TPTE2: variants seen among roughly 807,000 people sequenced by gnomAD.
TPTE2 encodes the protein phosphatidylinositol 3,4,5-trisphosphate 3-phosphatase TPTE2.
A neutral mutation model predicts 78.6 loss-of-function variants in TPTE2; 53 were observed. That is an observed-to-expected ratio of 0.67 (90% CI 0.54 to 0.85). TPTE2 has a LOEUF of 0.85. TPTE2 is among the 40% of genes least tolerant of loss of function. The pLI, the probability that TPTE2 is intolerant of heterozygous loss-of-function variation, is 0.00. For missense variants in TPTE2, 461 were observed against 623.0 expected (o/e 0.74, Z 2.77); for synonymous variants, 175 against 206.2 (o/e 0.85, Z 1.30).
chr13:19,514,446 G>T (rs1302766154), intron 1 of TPTE2, among the ~76,000 whole-genome samples: 1 of 152,074 alleles, frequency 6.6e-6, no homozygotes, highest in Non-Finnish European at 1.5e-5. Flanking sequence ...AGAGTAAAAA[G>T]CCCATACAAA....
At chr13:19,543,966 G>A in the TPTE2 span, among the ~76,000 whole-genome samples, 2 of 147,580 alleles carry the variant, frequency 1.4e-5, no homozygotes, top group South Asian at 4.4e-4. Flanking sequence ...AAAGGCTGAG[G>A]TGGGAGGATC....
intron 1 of TPTE2, among the ~76,000 whole-genome samples, chr13:19,519,455 T>C (rs1870015006): frequency 6.6e-6 from 1 of 152,232 alleles, no homozygotes. Flanking sequence ...TTAATTTTTC[T>C]GTATGATGTG....
intron 6 of TPTE2, among the ~76,000 whole-genome samples, chr13:19,471,581 C>T (rs1879615587): frequency 6.6e-6 from 1 of 151,972 alleles, no homozygotes; most frequent in African/African-American, 2.4e-5. Flanking sequence ...ATTTGTCTCG[C>T]TATTATTTAA....
chr13:19,516,878 CTATTTTTCTATCTAAT>C (rs1869829243), intron 1 of TPTE2, among the ~76,000 whole-genome samples: 1 of 152,208 alleles, frequency 6.6e-6, no homozygotes, highest in South Asian at 2.1e-4. Context: ...TCTATTTCTA[CTATTTTTCTATCTAAT>C]TATTTTTCTA....
chr13:19,551,089 G>A, the TPTE2 span, among the ~76,000 whole-genome samples: 1 of 152,152 alleles, frequency 6.6e-6, no homozygotes, highest in Non-Finnish European at 1.5e-5. Context: ...TTGCAGAAGA[G>A]GAAACTAAGG....
chr13:19,525,984 A>G (rs540603901), intron 1 of TPTE2, among the ~76,000 whole-genome samples: 2 of 152,204 alleles, frequency 1.3e-5, no homozygotes, highest in South Asian at 2.1e-4. Flanking sequence ...CAAAACTACA[A>G]TGAGATACCA....
chr13:19,560,943 T>C, the TPTE2 span: 1 of 1,597,116 alleles, frequency 6.3e-7, no homozygotes, highest in African/African-American at 1.3e-5. Flanking sequence ...CCCTGGATGG[T>C]CCTCTTGAAG....
At chr13:19,517,563 T>G (rs557945837) in intron 1 of TPTE2, among the ~76,000 whole-genome samples, 93 of 152,248 alleles carry the variant, frequency 6.1e-4, no homozygotes, top group African/African-American at 2.2e-3. Context: ...TTTACATGAT[T>G]TTAATTCTCC....
At chr13:19,490,682 T>C (rs1880938506) in intron 3 of TPTE2, among the ~76,000 whole-genome samples, 1 of 152,128 alleles carries the variant, frequency 6.6e-6, no homozygotes, top group Non-Finnish European at 1.5e-5. Context: ...TCAGATAGGG[T>C]TAAGTAACTA....
intron 1 of TPTE2, among the ~76,000 whole-genome samples, chr13:19,525,191 A>G (rs1870421039): frequency 6.6e-6 from 1 of 152,198 alleles, no homozygotes; most frequent in Non-Finnish European, 1.5e-5. Flanking sequence ...GAAACAGCAG[A>G]AAAAATTAGT....
the TPTE2 span, among the ~76,000 whole-genome samples, chr13:19,550,102 A>C: frequency 6.8e-6 from 1 of 147,786 alleles, no homozygotes; most frequent in African/African-American, 2.4e-5. Context: ...CCCCCATGAC[A>C]CTCAAGTTAC....
At chr13:19,427,731 G>C (rs1373796269) in intron 17 of TPTE2, among the ~76,000 whole-genome samples, 1 of 152,176 alleles carries the variant, frequency 6.6e-6, no homozygotes, top group Non-Finnish European at 1.5e-5. Flanking sequence ...CTTTGAACTT[G>C]ACCAGTGCAG....
At chr13:19,514,548 GAACT>G (rs1469356092) in intron 1 of TPTE2, among the ~76,000 whole-genome samples, 1 of 145,416 alleles carries the variant, frequency 6.9e-6, no homozygotes, top group Non-Finnish European at 1.5e-5. Flanking sequence ...ATTTTGACAA[GAACT>G]AAAGAAACAA....
rs869035368 is a variant in TPTE2, at chr13:19,535,223, AAAT to A, written c.-44+1370_-44+1372del. 2.5e-3 allele frequency among the ~76,000 whole-genome samples: 22 copies of A among 8,742 alleles called. No individual in the cohort carries two copies. Among genetic ancestry groups the A allele is most frequent in the African/African-American group, 3.5e-3 (21 of 6,058 alleles). 5.7% of individuals were successfully genotyped at this position (8,742 alleles called of 152,430 possible). On this transcript the variant is annotated intron_variant, in intron 1 of 17. Coordinates refer to the TPTE2 transcript ENST00000390680. The surrounding 1 kb of genome is among the most constrained non-coding windows in gnomAD (Gnocchi z 5.1). ...TTCTCAAAAAAACAAACAAACAAAAAAATATATATATATATATATTCTTTAGAT... is the reference window on the plus strand; with the variant it reads ...TTCTCAAAAAAACAAACAAACAAAAAATATATATATATATATTCTTTAGAT...
At chr13:19,423,269 A>G in intron 19 of TPTE2, 105 bp from the exon 23 acceptor site, 1 of 798,156 alleles carries the variant, frequency 1.3e-6, no homozygotes, top group Non-Finnish European at 1.9e-6. Context: ...AAACCTCACC[A>G]TGAATAGAAC....
At chr13:19,446,778 A>C (rs751996126) in intron 13 of TPTE2, among the ~76,000 whole-genome samples, 5 of 152,046 alleles carry the variant, frequency 3.3e-5, no homozygotes, top group Admixed American at 2.0e-4. Flanking sequence ...CTGTCTCTAT[A>C]AAAAATACAA....
At chr13:19,448,351 T>C (rs903875877) in intron 13 of TPTE2, among the ~76,000 whole-genome samples, 2 of 152,184 alleles carry the variant, frequency 1.3e-5, no homozygotes, top group Non-Finnish European at 2.9e-5. Context: ...AAAACACTTT[T>C]GCACAGCAAA....
chr13:19,514,057 T>C (rs1869631337), intron 1 of TPTE2, among the ~76,000 whole-genome samples: 1 of 151,810 alleles, frequency 6.6e-6, no homozygotes, highest in Non-Finnish European at 1.5e-5. Flanking sequence ...GCTCCTTTCT[T>C]GCTGCTGAGG....
rs4554999 is a variant in TPTE2, at chr13:19,451,235, A to G, written c.742-10T>C. On this transcript the variant is annotated splice_polypyrimidine_tract_variant and intron_variant, in intron 10 of 19. Coordinates refer to ENST00000400230, the Ensembl canonical transcript of TPTE2. ...GAAACCGCACAACTTCCTAAAAAAG[A>G]CAAACACATATCTTACATATTTACA... is the stretch of plus-strand genomic sequence containing the variant. 0.088 allele frequency: 141,715 copies of G among 1,612,628 alleles called. 6,636 individuals carry two copies. Among genetic ancestry groups the G allele is most frequent in the Middle Eastern group, 0.18 (1,064 of 6,034 alleles).
Sources: gnomAD v4.1 joint callset for allele counts (sites outside exome capture counted in the v4.1 genomes callset) on GRCh38, gnomAD v4.1.1 for gene constraint, Gnocchi (gnomAD v3.1) non-coding constraint, MANE v1.5 for transcripts, NCBI Gene and HGNC (gene_info 2026-07-23, HGNC 2026-07-21) for gene names.